Variants in ZMYND11 observed in about 807,000 individuals in gnomAD.
ZMYND11 encodes the protein zinc finger MYND domain-containing protein 11.
In ZMYND11, 9 loss-of-function variants were observed where a neutral mutation model predicts 84.9. The ratio of observed to expected loss-of-function variants is 0.11; its 90% CI spans 0.06 to 0.18. ZMYND11 has a LOEUF of 0.18. ZMYND11 is among the 10% of genes least tolerant of loss of function. The pLI, the probability that ZMYND11 is intolerant of heterozygous loss-of-function variation, is 1.00. For missense variants in ZMYND11, 409 were observed against 761.0 expected, an observed-to-expected ratio of 0.54 and a Z score of 5.44; for synonymous variants, 250 against 244.1, an observed-to-expected ratio of 1.02 and a Z score of -0.23.
chr10:197,991 C>G (rs1472916860), intron 2 of ZMYND11: 7 of 642,916 alleles, frequency 1.1e-5, no homozygotes, highest in Admixed American at 2.3e-5. Flanking sequence ...TTAGTTGTAT[C>G]ATTGTTATAA....
chr10:219,569 T>C (rs1196615536), intron 3 of ZMYND11, among the ~76,000 whole-genome samples: 1 of 152,124 alleles, frequency 6.6e-6, no homozygotes, highest in Non-Finnish European at 1.5e-5. Context: ...TAAATTGAAA[T>C]AGCTAAAATG....
intron 2 of ZMYND11, among the ~76,000 whole-genome samples, chr10:204,308 A>G (rs1943761457): frequency 6.6e-6 from 1 of 152,132 alleles, no homozygotes; most frequent in African/African-American, 2.4e-5. Flanking sequence ...TTTTCTTTGC[A>G]TCAGTAGAAT....
At chr10:205,181 C>T (rs1236672835) in intron 2 of ZMYND11, among the ~76,000 whole-genome samples, 1 of 152,056 alleles carries the variant, frequency 6.6e-6, no homozygotes, top group Non-Finnish European at 1.5e-5. Context: ...TTTAAAGGTT[C>T]TGTTTTATTC....
intron 4 of ZMYND11, among the ~76,000 whole-genome samples, chr10:221,879 ATTAT>A (rs1947194212): frequency 6.6e-6 from 1 of 152,120 alleles, no homozygotes; most frequent in Non-Finnish European, 1.5e-5. Flanking sequence ...AAGAATTCTA[ATTAT>A]TTTTTTAAAG....
chr10:231,832 A>G (rs1392915215), intron 4 of ZMYND11, among the ~76,000 whole-genome samples: 1 of 152,224 alleles, frequency 6.6e-6, no homozygotes, highest in Non-Finnish European at 1.5e-5. Flanking sequence ...GCAAACGTCT[A>G]CAACCCTGCT....
chr10:211,729 G>A (rs1290288980), intron 3 of ZMYND11, among the ~76,000 whole-genome samples: 1 of 152,160 alleles, frequency 6.6e-6, no homozygotes, highest in Non-Finnish European at 1.5e-5. Context: ...TTTCATTTGT[G>A]CACTGGAAGT....
intron 6 of ZMYND11, among the ~76,000 whole-genome samples, chr10:238,917 C>CA: frequency 6.6e-6 from 1 of 152,190 alleles, no homozygotes; most frequent in Non-Finnish European, 1.5e-5. Context: ...AGATTTGTCA[C>CA]AGACAGGGAC....
chr10:233,449 G>A (rs1215087182), intron 4 of ZMYND11, among the ~76,000 whole-genome samples: 1 of 152,196 alleles, frequency 6.6e-6, no homozygotes, highest in African/African-American at 2.4e-5. Context: ...AGAAGTAGAT[G>A]TTGATGTTTC....
At chr10:188,390 C>T (rs1160283782) in intron 2 of ZMYND11, among the ~76,000 whole-genome samples, 4 of 151,754 alleles carry the variant, frequency 2.6e-5, no homozygotes, top group Non-Finnish European at 5.9e-5. Flanking sequence ...AGCTTCAAAA[C>T]CAGCCTGGGC....
intron 1 of ZMYND11, among the ~76,000 whole-genome samples, chr10:162,765 A>T (rs1843199773): frequency 6.6e-6 from 1 of 152,172 alleles, no homozygotes; most frequent in Non-Finnish European, 1.5e-5. Flanking sequence ...ATGGATGTTA[A>T]TAAACTTGTT....
chr10:245,768 C>T (rs778135227), intron 10 of ZMYND11, among the ~76,000 whole-genome samples: 2 of 152,206 alleles, frequency 1.3e-5, no homozygotes, highest in African/African-American at 4.8e-5. Flanking sequence ...CCTTTACCAC[C>T]TGCTGCATTG....
At chr10:229,125 T>C (rs544155842) in intron 4 of ZMYND11, among the ~76,000 whole-genome samples, 1 of 152,310 alleles carries the variant, frequency 6.6e-6, no homozygotes, top group South Asian at 2.1e-4. Context: ...TTAGTCAAAA[T>C]TTGTTATCTT....
intron 2 of ZMYND11, among the ~76,000 whole-genome samples, chr10:207,970 C>T (rs1336777085): frequency 3.3e-5 from 5 of 152,194 alleles, no homozygotes; most frequent in Admixed American, 6.5e-5. Context: ...TGGAACAGAA[C>T]GGAGCCCTCA....
chr10:173,954 TG>T (rs1845975376), intron 1 of ZMYND11, among the ~76,000 whole-genome samples: 1 of 152,138 alleles, frequency 6.6e-6, no homozygotes, highest in Admixed American at 6.5e-5. Flanking sequence ...TCATTGCTGG[TG>T]GAAGTGCAAA....
intron 11 of ZMYND11, 85 bp downstream of exon 11, chr10:247,058 CA>C: frequency 7.5e-7 from 1 of 1,333,884 alleles, no homozygotes; most frequent in Non-Finnish European, 1.0e-6. Flanking sequence ...CTGTAATGAA[CA>C]GATTTTGACG....
At chr10:162,806 AT>A (rs1843208941) in intron 1 of ZMYND11, among the ~76,000 whole-genome samples, 1 of 152,180 alleles carries the variant, frequency 6.6e-6, no homozygotes, top group African/African-American at 2.4e-5. Context: ...TTATTGGTAT[AT>A]GTATGTGTTG....
chr10:179,021 A>T lies in ZMYND11; in HGVS notation c.-19-973A>T, dbSNP rs11250718. On this transcript the variant is annotated intron_variant, in intron 1 of 14. Coordinates refer to ENST00000381604, the MANE Select transcript of ZMYND11 (RefSeq NM_001370100.5). ...AAAGATAGGAAAGGGCAGGTCAAGG[A>T]GATTTCAGCAATCTCAGAAGGCTTA... Among the ~76,000 whole-genome samples, 649 of 152,294 alleles carry T rather than the reference A, an allele frequency of 4.3e-3. 13 individuals are homozygous for T. In the East Asian group the frequency reaches 0.049, roughly 12 times the overall value.
At chr10:132,395 T>C (rs1237704240), upstream of ZMYND11, among the ~76,000 whole-genome samples, 1 of 151,982 alleles carries the variant, frequency 6.6e-6, no homozygotes, top group Non-Finnish European at 1.5e-5. Flanking sequence ...CACTTCAGCA[T>C]CTGTCTCTTA....
upstream of ZMYND11, among the ~76,000 whole-genome samples, chr10:132,184 T>A (rs1835324472): frequency 6.6e-6 from 1 of 151,724 alleles, no homozygotes; most frequent in Non-Finnish European, 1.5e-5. Context: ...TAGAAAATAT[T>A]TCATTGGGGC....
Sources: allele counts gnomAD v4.1 joint callset (sites outside exome capture counted in the v4.1 genomes callset), GRCh38; gene constraint gnomAD v4.1.1; transcripts MANE v1.5; gene names NCBI Gene and HGNC (gene_info 2026-07-23, HGNC 2026-07-21).